The following PDE1A variants were observed in gnomAD, a reference collection of about 807,000 sequenced individuals.
PDE1A encodes dual specificity calcium/calmodulin-dependent 3',5'-cyclic nucleotide phosphodiesterase 1A.
Under a neutral mutation model 61.7 loss-of-function variants are expected in PDE1A, and 35 were observed. The observed-to-expected ratio is 0.57, with a 90% confidence interval of 0.43 to 0.75. The LOEUF (loss-of-function observed/expected upper bound fraction) is 0.75. Ranked by LOEUF, PDE1A falls within the 30% of genes least tolerant of loss-of-function variation. The pLI is 0.00. For missense variants in PDE1A, 597 were observed against 630.6 expected (o/e 0.95, Z 0.57); for synonymous variants, 232 against 213.2 (o/e 1.09, Z -0.77).
chr2:182,307,072 A>C (rs951697851), intron 1 of PDE1A, among the ~76,000 whole-genome samples: 1 of 152,226 alleles, frequency 6.6e-6, no homozygotes, highest in African/African-American at 2.4e-5. Context: ...AATATGTATA[A>C]TATAAAAGGA....
At chr2:182,291,577 G>GA (rs538907349) in intron 1 of PDE1A, among the ~76,000 whole-genome samples, 2 of 152,076 alleles carry the variant, frequency 1.3e-5, no homozygotes, top group Non-Finnish European at 2.9e-5. Flanking sequence ...GTTTTCTGCA[G>GA]AAAAAATATA....
intron 13 of PDE1A, among the ~76,000 whole-genome samples, chr2:182,184,370 T>C (rs778315510): frequency 6.6e-6 from 1 of 151,536 alleles, no homozygotes; most frequent in African/African-American, 2.4e-5. Context: ...GAAGCAACAA[T>C]ACAATTTATT....
At chr2:182,664,906 A>G in the PDE1A span, among the ~76,000 whole-genome samples, 1 of 152,342 alleles carries the variant, frequency 6.6e-6, no homozygotes, top group Non-Finnish European at 1.5e-5. Flanking sequence ...AAAACAATAC[A>G]TATTACAATA....
At chr2:182,654,971 A>G in the PDE1A span, among the ~76,000 whole-genome samples, 1 of 152,138 alleles carries the variant, frequency 6.6e-6, no homozygotes, top group Admixed American at 6.5e-5. Flanking sequence ...CTTTTTGCTC[A>G]TTTGTCCTGT....
intron 7 of PDE1A, among the ~76,000 whole-genome samples, chr2:182,211,038 AG>A (rs1687547966): frequency 6.6e-6 from 1 of 152,200 alleles, no homozygotes; most frequent in African/African-American, 2.4e-5. Flanking sequence ...AGAGAGTGCA[AG>A]AGAGCAAACC....
At chr2:182,559,097 A>G in the PDE1A span, among the ~76,000 whole-genome samples, 1 of 152,198 alleles carries the variant, frequency 6.6e-6, no homozygotes, top group African/African-American at 2.4e-5. Flanking sequence ...TATCACCTTA[A>G]TTTATCTTGA....
At chr2:182,635,670 A>ATC in the PDE1A span, among the ~76,000 whole-genome samples, 3 of 148,686 alleles carry the variant, frequency 2.0e-5, no homozygotes, top group African/African-American at 4.9e-5. Flanking sequence ...TTTTAAGAGT[A>ATC]TCTATCTCTC....
At chr2:182,201,776 G>T (rs1363883874) in exon 9 of PDE1A, 2 of 1,604,238 alleles carry the variant, frequency 1.2e-6, no homozygotes, top group Non-Finnish European at 1.7e-6. Context: ...TCAATCACTA[G>T]GTTCCGAAGA....
chr2:182,515,724 C>CT (rs1193095592), intron 2 of PDE1A, among the ~76,000 whole-genome samples: 1 of 152,150 alleles, frequency 6.6e-6, no homozygotes, highest in Non-Finnish European at 1.5e-5. Flanking sequence ...AACATACAGA[C>CT]TTATCAACAA....
At chr2:182,608,649 G>A in the PDE1A span, among the ~76,000 whole-genome samples, 1 of 152,338 alleles carries the variant, frequency 6.6e-6, no homozygotes, top group African/African-American at 2.4e-5. Context: ...CACAGGGCAG[G>A]GCTCGGGACC....
chr2:182,245,655 AT>A lies in PDE1A; in HGVS notation c.168-5364del, dbSNP rs575771073. ...TGGCTTATTCCACTTGGTAATATGC[AT>A]TTTTCTCCATGTCTTTTCATGGCTT... is the stretch of plus-strand genomic sequence containing the variant. On this transcript the variant is annotated intron_variant, in intron 2 of 13. Transcript: ENST00000351439. 5.4e-3 allele frequency among the ~76,000 whole-genome samples: 828 copies of A among 152,144 alleles called. 6 individuals are homozygous for A. The highest frequency in any genetic ancestry group is 0.01 in the Admixed American group (160 of 15,274).
At chr2:182,220,282 A>G (rs137969132) in intron 7 of PDE1A, among the ~76,000 whole-genome samples, 16 of 152,152 alleles carry the variant, frequency 1.1e-4, no homozygotes, top group African/African-American at 3.4e-4. Context: ...CAAGCAAAAC[A>G]CTGTGTGCAT....
downstream of PDE1A, among the ~76,000 whole-genome samples, chr2:182,143,737 G>A (rs1395557697): frequency 2.0e-5 from 3 of 152,078 alleles, no homozygotes; most frequent in African/African-American, 4.8e-5. Flanking sequence ...GGATGGTCTC[G>A]ATCTCCTGAT....
chr2:182,246,895 G>A (rs1414094101), intron 2 of PDE1A, among the ~76,000 whole-genome samples: 1 of 152,234 alleles, frequency 6.6e-6, no homozygotes, highest in Non-Finnish European at 1.5e-5. Flanking sequence ...GTGTGACACA[G>A]AGCAGGGGGT....
intron 13 of PDE1A, among the ~76,000 whole-genome samples, chr2:182,174,932 C>G (rs1212596922): frequency 6.6e-6 from 1 of 152,014 alleles, no homozygotes; most frequent in Non-Finnish European, 1.5e-5. Context: ...GTATGATGTT[C>G]CCTTCCCTGT....
chr2:182,628,119 A>G, the PDE1A span, among the ~76,000 whole-genome samples: 1 of 152,134 alleles, frequency 6.6e-6, no homozygotes, highest in Non-Finnish European at 1.5e-5. Context: ...AGTGACCTAG[A>G]AGCAACTAAC....
In PDE1A at chr2:182,231,111, GA is replaced by G. The variant is rs749475680; in HGVS notation, c.437del (p.Phe146SerfsTer6). On this transcript the variant is annotated frameshift_variant, in exon 5 of 14. Coordinates refer to ENST00000351439, the Ensembl canonical transcript of PDE1A. LOFTEE classifies it high-confidence loss of function. Reference sequence around the variant, plus strand: ...TTGCTTCATTTAGGGCAAATACATCGAAAGACCATTTATCAACATCCTGTAG... The same window carrying G: ...TTGCTTCATTTAGGGCAAATACATCGAAGACCATTTATCAACATCCTGTAG... 6.3e-7 allele frequency: 1 copy of G among 1,588,864 alleles called. No individual in the cohort carries two copies. The highest frequency in any genetic ancestry group is 1.1e-5 in the South Asian group (1 of 89,978).
chr2:182,200,159 T>C (rs1454119986), intron 10 of PDE1A, among the ~76,000 whole-genome samples: 1 of 152,154 alleles, frequency 6.6e-6, no homozygotes, highest in African/African-American at 2.4e-5. Context: ...TGTGATATAA[T>C]AAAACAAAAT....
chr2:182,575,711 C>CTA, the PDE1A span, among the ~76,000 whole-genome samples: 13,251 of 142,968 alleles, frequency 0.093, 1,987 homozygotes, highest in African/African-American at 0.32. Flanking sequence ...CATTATGTAT[C>CTA]TATATATATA....
Sources: gnomAD v4.1 joint callset for allele counts (sites outside exome capture counted in the v4.1 genomes callset) on GRCh38, gnomAD v4.1.1 for gene constraint, MANE v1.5 for transcripts, NCBI Gene and HGNC (gene_info 2026-07-23, HGNC 2026-07-21) for gene names.